The following ZNF423 variants were observed in gnomAD, a reference collection of about 807,000 sequenced individuals.
The protein encoded by ZNF423 is zinc finger protein 423, also known as Ebf-associated zinc finger protein.
In ZNF423, 12 loss-of-function variants were observed where a neutral mutation model predicts 95.8. The ratio of observed to expected loss-of-function variants is 0.13; its 90% CI spans 0.08 to 0.20. The LOEUF (loss-of-function observed/expected upper bound fraction) is 0.20. ZNF423 is among the 10% of genes least tolerant of loss of function. The probability of loss-of-function intolerance (pLI) is 1.00; values close to 1 mark genes in which losing one functional copy is unlikely to be tolerated. For missense variants in ZNF423, 1,316 were observed against 1,737.1 expected (o/e 0.76, Z 4.31); for synonymous variants, 749 against 711.9 (o/e 1.05, Z -0.83).
upstream of ZNF423, among the ~76,000 whole-genome samples, chr16:49,856,960 G>C: frequency 1.4e-5 from 2 of 146,758 alleles, no homozygotes; most frequent in Admixed American, 1.3e-4. Context: ...CCTGGGCAGC[G>C]GCGGCGGCGG....
At chr16:49,653,940 C>A (rs1248918496) in intron 3 of ZNF423, among the ~76,000 whole-genome samples, 1 of 152,184 alleles carries the variant, frequency 6.6e-6, no homozygotes, top group Non-Finnish European at 1.5e-5. Flanking sequence ...AGACTGGTAG[C>A]CTCTGCAGAG....
chr16:49,635,721 C>T lies in ZNF423; in HGVS notation c.3455G>A (p.Arg1152His), dbSNP rs375010326. 7.5e-6 allele frequency: 12 copies of T among 1,609,800 alleles called. No individual in the cohort carries two copies. The highest frequency in any genetic ancestry group is 3.3e-4 in the Middle Eastern group (2 of 6,014). The stretch of plus-strand genomic sequence containing the variant: ...CCCACTGGTCTCCGGCGTGAGGTCA[C>T]GGTGGTCCACCTGCATGTGGCTCTC... ...DLESHMQVDHRDLTPETSGPR... is the reference protein window; with the variant it reads ...DLESHMQVDHHDLTPETSGPR... Residue 1152 changes from arginine (R) to histidine (H), a missense_variant, in exon 4 of 8, where the codon CGT (arginine) becomes CAT (histidine). By Grantham distance (29) the Arg-to-His change is conservative. Transcript: ENST00000563137. The surrounding 1 kb of genome is among the most constrained non-coding windows in gnomAD (Gnocchi z 4.8).
intron 1 of ZNF423, among the ~76,000 whole-genome samples, chr16:49,826,570 GAAT>G (rs374939669): frequency 8.1e-4 from 123 of 152,298 alleles, no homozygotes; most frequent in African/African-American, 2.7e-3. Context: ...GTGATAATAA[GAAT>G]AACAGCACCA....
At chr16:49,790,675 A>G (rs2034398446) in intron 1 of ZNF423, among the ~76,000 whole-genome samples, 1 of 152,228 alleles carries the variant, frequency 6.6e-6, no homozygotes. Flanking sequence ...TTGTGGTCAG[A>G]ACCTGAGTTC....
chr16:49,752,864 G>C (rs1167804660), intron 2 of ZNF423, among the ~76,000 whole-genome samples: 2 of 152,346 alleles, frequency 1.3e-5, no homozygotes, highest in East Asian at 3.9e-4. Context: ...GGACTGCGGG[G>C]CTGCTGTGTG....
intron 3 of ZNF423, among the ~76,000 whole-genome samples, chr16:49,678,228 AT>A (rs200881792): frequency 0.019 from 2,875 of 150,266 alleles, 88 homozygotes; most frequent in African/African-American, 0.062. Flanking sequence ...TATGTGTTTT[AT>A]TTTTTTTTTA....
At chr16:49,555,965 G>A (rs1018692550) in intron 5 of ZNF423, among the ~76,000 whole-genome samples, 28 of 152,074 alleles carry the variant, frequency 1.8e-4, no homozygotes, top group Non-Finnish European at 1.5e-4. Flanking sequence ...CCTCAGCACT[G>A]GAGCACACAC....
intron 5 of ZNF423, among the ~76,000 whole-genome samples, chr16:49,540,316 A>T (rs1466369594): frequency 1.3e-5 from 2 of 152,176 alleles, no homozygotes; most frequent in Non-Finnish European, 2.9e-5. Context: ...TGTTTTTAAG[A>T]CAGGCTAGAG....
intron 5 of ZNF423, among the ~76,000 whole-genome samples, chr16:49,583,988 C>T (rs550293711): frequency 6.6e-6 from 1 of 152,324 alleles, no homozygotes; most frequent in Non-Finnish European, 1.5e-5. Context: ...TGAGCAGATA[C>T]CAGCCAGGCC....
intron 3 of ZNF423, among the ~76,000 whole-genome samples, chr16:49,656,626 G>A (rs1274339616): frequency 1.3e-5 from 2 of 152,104 alleles, no homozygotes; most frequent in Non-Finnish European, 2.9e-5. Context: ...AGAACTCTGA[G>A]CTTAGACCAA....
chr16:49,577,337 G>A (rs1334603885), intron 5 of ZNF423, among the ~76,000 whole-genome samples: 3 of 152,170 alleles, frequency 2.0e-5, no homozygotes, highest in African/African-American at 7.2e-5. Context: ...CACATAAGGA[G>A]AGGGTACCGT....
rs549890642 is a variant in ZNF423, at chr16:49,542,602, T to C, written c.3602-17108A>G. Among the ~76,000 whole-genome samples the C allele has an allele frequency of 4.6e-5, 7 of 152,294 alleles. No individual in the cohort carries two copies. The East Asian group carries it at 9.7e-4, about 21-fold the overall frequency. On this transcript the variant is annotated intron_variant, in intron 5 of 7. Coordinates refer to ENST00000563137, the MANE Select transcript of ZNF423 (RefSeq NM_001379286.1). ...AGCTGGGAGGCGAGTCAGGGACAGA[T>C]GCCAGGGAGGCCTGGGACCCCCCAT...
At chr16:49,506,944 G>T in intron 7 of ZNF423, among the ~76,000 whole-genome samples, 1 of 152,144 alleles carries the variant, frequency 6.6e-6, no homozygotes, top group East Asian at 1.9e-4. Flanking sequence ...TAAATGTGTA[G>T]ATGAATGGAT....
chr16:49,852,758 TC>T (rs1303951654), intron 1 of ZNF423, among the ~76,000 whole-genome samples: 2 of 151,612 alleles, frequency 1.3e-5, no homozygotes, highest in East Asian at 3.9e-4. Context: ...GAGGCTATTC[TC>T]CCCCCTCCCC....
chr16:49,815,499 T>C (rs1341174518), intron 1 of ZNF423, among the ~76,000 whole-genome samples: 2 of 152,122 alleles, frequency 1.3e-5, no homozygotes, highest in African/African-American at 4.8e-5. Flanking sequence ...ATGGGAAAGC[T>C]GAGGCACAGG....
chr16:49,693,865 G>A (rs1249531531), intron 3 of ZNF423, among the ~76,000 whole-genome samples: 1 of 152,230 alleles, frequency 6.6e-6, no homozygotes, highest in East Asian at 1.9e-4. Context: ...CAGGCCTGAA[G>A]GTTTATCCTT....
intron 3 of ZNF423, among the ~76,000 whole-genome samples, chr16:49,675,899 T>TCCATG (rs2031025779): frequency 6.6e-6 from 1 of 152,182 alleles, no homozygotes; most frequent in African/African-American, 2.4e-5. Context: ...TCTGAACACG[T>TCCATG]CCATGAGTGC....
chr16:49,680,006 G>A (rs2031282276), intron 3 of ZNF423, among the ~76,000 whole-genome samples: 1 of 152,186 alleles, frequency 6.6e-6, no homozygotes, highest in South Asian at 2.1e-4. Flanking sequence ...ACCTACCTGT[G>A]GAAAAGAGCT....
At chr16:49,589,438 G>C (rs1269234656) in intron 5 of ZNF423, among the ~76,000 whole-genome samples, 1 of 152,136 alleles carries the variant, frequency 6.6e-6, no homozygotes, top group Non-Finnish European at 1.5e-5. Flanking sequence ...TCCCTGTAAA[G>C]GTTTAGTGTC....
Sources: gnomAD v4.1 joint callset for allele counts (sites outside exome capture counted in the v4.1 genomes callset) on GRCh38, gnomAD v4.1.1 for gene constraint, Gnocchi (gnomAD v3.1) non-coding constraint, MANE v1.5 for transcripts, NCBI Gene and HGNC (gene_info 2026-07-23, HGNC 2026-07-21) for gene names.